Variants in HPSE2 observed in about 807,000 individuals in gnomAD.
The protein encoded by HPSE2 is inactive heparanase-2.
HPSE2 carries 38 observed loss-of-function variants against 60.5 expected under a neutral mutation model. The ratio of observed to expected loss-of-function variants is 0.63; its 90% CI spans 0.48 to 0.82. HPSE2 has a LOEUF of 0.82. HPSE2 is among the 40% of genes least tolerant of loss of function. The probability of loss-of-function intolerance (pLI) is 0.00; values close to 1 mark genes in which losing one functional copy is unlikely to be tolerated. For synonymous variants in HPSE2, 295 were observed against 293.2 expected (o/e 1.01, Z -0.06); for missense variants, 713 against 740.4 (o/e 0.96, Z 0.43).
chr10:98,748,190 C>T (rs1450915604), intron 3 of HPSE2, among the ~76,000 whole-genome samples: 1 of 152,040 alleles, frequency 6.6e-6, no homozygotes, highest in Non-Finnish European at 1.5e-5. Flanking sequence ...ATCCCAGCTA[C>T]TCTACTTAGG....
At chr10:98,771,198 G>A (rs1444684557) in intron 3 of HPSE2, among the ~76,000 whole-genome samples, 1 of 152,104 alleles carries the variant, frequency 6.6e-6, no homozygotes, top group Non-Finnish European at 1.5e-5. Flanking sequence ...AAACAGACAT[G>A]GCTAAGCAGA....
At chr10:99,112,962 CATAT>C (rs34870126) in intron 3 of HPSE2, among the ~76,000 whole-genome samples, 3,223 of 151,600 alleles carry the variant, frequency 0.021, 106 homozygotes, top group East Asian at 0.14. Flanking sequence ...CACACACACA[CATAT>C]ACACATGCAT....
intron 3 of HPSE2, among the ~76,000 whole-genome samples, chr10:99,077,920 T>A (rs761583202): frequency 6.6e-5 from 10 of 152,170 alleles, no homozygotes; most frequent in African/African-American, 9.7e-5. Context: ...GGTGGATCCC[T>A]CACGAGTGGC....
intron 9 of HPSE2, among the ~76,000 whole-genome samples, chr10:98,495,417 T>C (rs1202549574): frequency 6.6e-6 from 1 of 152,148 alleles, no homozygotes; most frequent in Non-Finnish European, 1.5e-5. Flanking sequence ...TATGTGCATG[T>C]TCTTTATCAA....
intron 3 of HPSE2, among the ~76,000 whole-genome samples, chr10:98,857,752 T>C (rs958688423): frequency 2.6e-5 from 4 of 152,162 alleles, no homozygotes; most frequent in Admixed American, 2.0e-4. Context: ...AAGGACTTGA[T>C]TGAAGACAGT....
At chr10:98,599,411 T>TGGGCCTGAA (rs1945336418) in intron 9 of HPSE2, among the ~76,000 whole-genome samples, 1 of 151,906 alleles carries the variant, frequency 6.6e-6, no homozygotes, top group South Asian at 2.1e-4. Flanking sequence ...CCCTTCAGGG[T>TGGGCCTGAA]GGGCCTGAAG....
At chr10:98,555,425 T>C (rs188602064) in intron 9 of HPSE2, among the ~76,000 whole-genome samples, 11 of 152,284 alleles carry the variant, frequency 7.2e-5, no homozygotes, top group African/African-American at 2.6e-4. Flanking sequence ...CTGAGGGCTG[T>C]TTATGTTTGC....
chr10:99,256,115 T>C, the HPSE2 span, among the ~76,000 whole-genome samples: 164 of 151,816 alleles, frequency 1.1e-3, no homozygotes, highest in Non-Finnish European at 2.1e-3. Context: ...TCTGCCCCCA[T>C]GATCCAATCA....
intron 5 of HPSE2, among the ~76,000 whole-genome samples, chr10:98,705,074 C>T (rs1387219987): frequency 6.6e-6 from 1 of 151,710 alleles, no homozygotes; most frequent in Non-Finnish European, 1.5e-5. Flanking sequence ...AAAAAAACAA[C>T]CCCATAAAAA....
At chr10:98,944,970 C>T (rs925384157) in intron 3 of HPSE2, among the ~76,000 whole-genome samples, 4 of 152,104 alleles carry the variant, frequency 2.6e-5, no homozygotes, top group South Asian at 2.1e-4. Context: ...TATCTATTAA[C>T]GGAGCCTAAG....
Position 99,067,560 on chromosome 10 carries a change from T to C in HPSE2, c.610+76678A>G, listed in dbSNP as rs543507239. On this transcript the variant is annotated intron_variant, in intron 3 of 11. Coordinates refer to ENST00000370552, the MANE Select transcript of HPSE2 (RefSeq NM_021828.5). ...GTGGAAGCTGCCAAAGCTTAGGGCT[T>C]GTAACCTCTGAAGTAATAGTCTGAG... Among the ~76,000 whole-genome samples, 86 of 152,356 alleles carry C rather than the reference T, an allele frequency of 5.6e-4. 2 individuals carry two copies. In the South Asian group the frequency reaches 0.017, roughly 30 times the overall value.
chr10:98,651,580 C>T (rs1363384132), intron 6 of HPSE2, among the ~76,000 whole-genome samples: 4 of 151,966 alleles, frequency 2.6e-5, no homozygotes, highest in Non-Finnish European at 5.9e-5. Context: ...TTTTTTTTCC[C>T]TCCAATCTCC....
At chr10:99,067,404 C>A (rs1461076092) in intron 3 of HPSE2, among the ~76,000 whole-genome samples, 1 of 152,208 alleles carries the variant, frequency 6.6e-6, no homozygotes, top group Admixed American at 6.5e-5. Context: ...CAGAGGTTCT[C>A]CATGACGGTT....
At chr10:99,096,383 C>T (rs1344217315) in intron 3 of HPSE2, among the ~76,000 whole-genome samples, 1 of 152,166 alleles carries the variant, frequency 6.6e-6, no homozygotes, top group Non-Finnish European at 1.5e-5. Flanking sequence ...AAGTGCTTCA[C>T]TTATTTAATC....
intron 3 of HPSE2, among the ~76,000 whole-genome samples, chr10:99,127,694 T>G (rs1382807137): frequency 6.6e-6 from 1 of 152,168 alleles, no homozygotes; most frequent in Non-Finnish European, 1.5e-5. Context: ...CACATAGTCA[T>G]CAAGTTATCT....
intron 3 of HPSE2, among the ~76,000 whole-genome samples, chr10:98,813,132 A>G (rs1339984232): frequency 6.6e-6 from 1 of 152,060 alleles, no homozygotes; most frequent in African/African-American, 2.4e-5. Context: ...TATTACCCCC[A>G]ATGACCTTGC....
intron 11 of HPSE2, 22 bp from the exon 12 acceptor site, chr10:98,459,761 T>C: frequency 2.5e-6 from 4 of 1,606,294 alleles, no homozygotes; most frequent in South Asian, 2.2e-5. Flanking sequence ...AAAAACAGTA[T>C]GGGACTCATT....
At chr10:99,027,168 A>G (rs1258163981) in intron 3 of HPSE2, among the ~76,000 whole-genome samples, 1 of 152,076 alleles carries the variant, frequency 6.6e-6, no homozygotes, top group African/African-American at 2.4e-5. Context: ...CAAAAGATCA[A>G]TGAAACCAAA....
chr10:98,482,275 T>C (rs1372045186), intron 11 of HPSE2, among the ~76,000 whole-genome samples: 1 of 152,192 alleles, frequency 6.6e-6, no homozygotes, highest in African/African-American at 2.4e-5. Context: ...CCAGGATGTT[T>C]GGTTGCTACA....
Sources: allele counts gnomAD v4.1 joint callset (sites outside exome capture counted in the v4.1 genomes callset), GRCh38; gene constraint gnomAD v4.1.1; transcripts MANE v1.5; gene names NCBI Gene and HGNC (gene_info 2026-07-23, HGNC 2026-07-21).